SAMMSON: variants seen among roughly 807,000 people sequenced by gnomAD.
The protein encoded by SAMMSON is long intergenic non-protein coding RNA 1212.
In SAMMSON at chr3:70,159,178, AT is replaced by A. The variant is rs527379593; in HGVS notation, n.507+87622del. 3.1e-4 allele frequency among the ~76,000 whole-genome samples: 47 copies of A among 151,218 alleles called. No homozygotes were observed. In the South Asian group the frequency reaches 7.9e-3, roughly 25 times the overall value. On this transcript the variant is annotated intron_variant and non_coding_transcript_variant, in intron 4 of 9. Coordinates refer to ENST00000642114, the Ensembl canonical transcript of SAMMSON. ...TTTTATCTTTTCCTTTTACTTAGTG[AT>A]TTTTTTTTGTTATACTTTAACTTTT...
intron 9 of SAMMSON, among the ~76,000 whole-genome samples, chr3:70,384,301 C>T (rs1399214778): frequency 6.6e-6 from 1 of 151,814 alleles, no homozygotes; most frequent in Non-Finnish European, 1.5e-5. Flanking sequence ...AAGGTGACCA[C>T]TGCACATTTT....
chr3:70,399,125 C>A (rs1301058485), intron 2 of SAMMSON, among the ~76,000 whole-genome samples: 1 of 152,108 alleles, frequency 6.6e-6, no homozygotes, highest in African/African-American at 2.4e-5. Context: ...AAGCAGCCAC[C>A]CCATATTTCC....
At chr3:70,316,002 C>G (rs1450523923) in intron 7 of SAMMSON, among the ~76,000 whole-genome samples, 1 of 152,080 alleles carries the variant, frequency 6.6e-6, no homozygotes, top group African/African-American at 2.4e-5. Flanking sequence ...AGTCTGCTTT[C>G]TTTTTAAAAT....
intron 2 of SAMMSON, among the ~76,000 whole-genome samples, chr3:70,411,298 G>A (rs963117282): frequency 6.6e-6 from 1 of 152,124 alleles, no homozygotes; most frequent in African/African-American, 2.4e-5. Flanking sequence ...CAGTCTTTCT[G>A]GAAGTAAGGA....
At chr3:70,329,714 AAAATCACACAATAG>A (rs1435319735) in intron 7 of SAMMSON, among the ~76,000 whole-genome samples, 2 of 152,012 alleles carry the variant, frequency 1.3e-5, no homozygotes, top group African/African-American at 4.8e-5. Context: ...GGACTAAAGA[AAAATCACACAATAG>A]AATCTTAAAG....
intron 2 of SAMMSON, among the ~76,000 whole-genome samples, chr3:70,399,522 C>T (rs1701120775): frequency 1.3e-5 from 2 of 151,966 alleles, no homozygotes; most frequent in Admixed American, 6.6e-5. Context: ...AAATGAAAAC[C>T]CCAACAAATA....
At chr3:70,139,968 C>T (rs1316461391) in intron 4 of SAMMSON, among the ~76,000 whole-genome samples, 1 of 152,130 alleles carries the variant, frequency 6.6e-6, no homozygotes, top group Admixed American at 6.5e-5. Context: ...CAGGCTTTCT[C>T]ATTTTTTTTC....
At chr3:70,152,819 G>A (rs1439766971) in intron 4 of SAMMSON, among the ~76,000 whole-genome samples, 2 of 152,008 alleles carry the variant, frequency 1.3e-5, no homozygotes, top group Non-Finnish European at 2.9e-5. Context: ...GAATTGGAAA[G>A]TTAGAGCTGT....
intron 7 of SAMMSON, among the ~76,000 whole-genome samples, chr3:70,333,994 G>A (rs1029258588): frequency 6.6e-6 from 1 of 152,180 alleles, no homozygotes; most frequent in Non-Finnish European, 1.5e-5. Context: ...AAATCAGTTG[G>A]CAAAGCTTCC....
At chr3:70,365,432 A>G (rs958104972) in intron 9 of SAMMSON, among the ~76,000 whole-genome samples, 2 of 151,714 alleles carry the variant, frequency 1.3e-5, no homozygotes, top group African/African-American at 2.4e-5. Flanking sequence ...CACAATCTGT[A>G]CCTATATTAG....
chr3:70,384,147 G>A (rs1703101211), intron 9 of SAMMSON, among the ~76,000 whole-genome samples: 1 of 152,050 alleles, frequency 6.6e-6, no homozygotes, highest in Admixed American at 6.6e-5. Flanking sequence ...CAGTCACACT[G>A]AGTCTCAAAC....
rs187584042 is a variant in SAMMSON, at chr3:70,046,933, G to A, written n.418-24543G>A. Among the ~76,000 whole-genome samples, 7 of 152,154 alleles carry A rather than the reference G, an allele frequency of 4.6e-5. No homozygotes were observed. The East Asian group carries it at 1.4e-3, about 30-fold the overall frequency. Reference sequence around the variant, plus strand: ...TCTGACATCATCAGGGAAAGGCCTTGTTAAGGACTCATGTGACTAGGCTGG... The same window carrying A: ...TCTGACATCATCAGGGAAAGGCCTTATTAAGGACTCATGTGACTAGGCTGG... On this transcript the variant is annotated intron_variant and non_coding_transcript_variant, in intron 3 of 9. Coordinates refer to ENST00000642114, the Ensembl canonical transcript of SAMMSON.
chr3:70,104,978 G>A (rs944561366), intron 4 of SAMMSON, among the ~76,000 whole-genome samples: 1 of 151,948 alleles, frequency 6.6e-6, no homozygotes, highest in African/African-American at 2.4e-5. Flanking sequence ...TGAATTTGGG[G>A]GGAAAGCAGT....
intron 4 of SAMMSON, among the ~76,000 whole-genome samples, chr3:70,104,960 A>G (rs1313210545): frequency 6.6e-6 from 1 of 152,134 alleles, no homozygotes; most frequent in Non-Finnish European, 1.5e-5. Flanking sequence ...TAAAGTAGTA[A>G]TTATGTGTGA....
chr3:70,275,867 G>A (rs6775159), intron 6 of SAMMSON, among the ~76,000 whole-genome samples: 3,751 of 152,112 alleles, frequency 0.025, 161 homozygotes, highest in African/African-American at 0.085. Context: ...ATGTTGTACC[G>A]TGTGTTTAAT....
At chr3:70,074,978 G>A (rs1377731175) in intron 4 of SAMMSON, 8 of 151,940 alleles carry the variant, frequency 5.3e-5, no homozygotes, top group Non-Finnish European at 5.9e-5. Context: ...TTTGTACCCC[G>A]TAGCTCTTTG....
At chr3:70,084,309 C>T (rs28454035) in intron 4 of SAMMSON, among the ~76,000 whole-genome samples, 399 of 152,148 alleles carry the variant, frequency 2.6e-3, no homozygotes, top group African/African-American at 9.3e-3. Flanking sequence ...GGTAAAGTGG[C>T]GAACAAGAAT....
intron 4 of SAMMSON, among the ~76,000 whole-genome samples, chr3:70,093,996 C>CA (rs2106649333): frequency 6.6e-6 from 1 of 152,192 alleles, no homozygotes; most frequent in East Asian, 1.9e-4. Flanking sequence ...TATGGGGAAC[C>CA]AAAAACCTGA....
rs149541181 is a variant in SAMMSON, at chr3:70,205,544, T to A, written n.508-43563T>A. Reference sequence around the variant, plus strand: ...GTACCAACTTTTGTACTAGGTGCTTTATACGTTATTTTTTTTTGATCCCCA... The same window carrying A: ...GTACCAACTTTTGTACTAGGTGCTTAATACGTTATTTTTTTTTGATCCCCA... On this transcript the variant is annotated intron_variant and non_coding_transcript_variant, in intron 4 of 9. Transcript: ENST00000642114. 4 of 152,214 alleles carry A rather than the reference T, an allele frequency of 2.6e-5. No individual in the cohort carries two copies. The East Asian group carries it at 7.7e-4, about 29-fold the overall frequency. 9.4% of individuals were successfully genotyped at this position (152,214 alleles called of 1,614,324 possible).
Sources: gnomAD v4.1 joint callset for allele counts (sites outside exome capture counted in the v4.1 genomes callset) on GRCh38, gnomAD v4.1.1 for gene constraint, MANE v1.5 for transcripts, NCBI Gene and HGNC (gene_info 2026-07-23, HGNC 2026-07-21) for gene names.